The following MAGI2 variants were observed in gnomAD, a reference collection of about 807,000 sequenced individuals.
The protein encoded by MAGI2 is membrane associated guanylate kinase, WW and PDZ domain containing 2.
Under a neutral mutation model 133.3 loss-of-function variants are expected in MAGI2, and 35 were observed. That is an observed-to-expected ratio of 0.26 (90% confidence interval 0.20 to 0.35). The LOEUF (loss-of-function observed/expected upper bound fraction) is 0.35. Ranked by LOEUF, MAGI2 falls within the 10% of genes least tolerant of loss-of-function variation. MAGI2 has a pLI of 1.00. For synonymous variants in MAGI2, 729 were observed against 710.6 expected (o/e 1.03, Z -0.41); for missense variants, 1,636 against 1,863.4 (o/e 0.88, Z 2.25).
At chr7:78,748,670 T>G (rs1823160227) in intron 2 of MAGI2, among the ~76,000 whole-genome samples, 1 of 149,076 alleles carries the variant, frequency 6.7e-6, no homozygotes, top group African/African-American at 2.5e-5. Context: ...CACAAATGCT[T>G]TGAAAGAAGG....
intron 1 of MAGI2, among the ~76,000 whole-genome samples, chr7:79,051,861 G>C (rs941928483): frequency 1.3e-5 from 2 of 151,880 alleles, no homozygotes; most frequent in Non-Finnish European, 2.9e-5. Flanking sequence ...TGTTAATTTT[G>C]ACATTGTAGT....
intron 1 of MAGI2, among the ~76,000 whole-genome samples, chr7:79,388,789 T>C (rs1294929807): frequency 1.3e-5 from 2 of 150,772 alleles, no homozygotes; most frequent in South Asian, 2.1e-4. Context: ...GTTTTCAATA[T>C]ATGTCTTGAA....
At chr7:79,043,326 C>T (rs1224527739) in intron 1 of MAGI2, among the ~76,000 whole-genome samples, 6 of 151,782 alleles carry the variant, frequency 4.0e-5, no homozygotes, top group South Asian at 2.1e-4. Context: ...GGGTGGATCA[C>T]GAGGTCAGGG....
At chr7:79,096,468 G>T (rs1005123898) in intron 1 of MAGI2, among the ~76,000 whole-genome samples, 6 of 152,052 alleles carry the variant, frequency 3.9e-5, no homozygotes, top group African/African-American at 1.4e-4. Context: ...CACACATCAT[G>T]GCCTAATCCT....
intron 14 of MAGI2, among the ~76,000 whole-genome samples, chr7:78,173,959 G>A (rs1009189559): frequency 2.6e-5 from 4 of 152,112 alleles, no homozygotes; most frequent in Non-Finnish European, 5.9e-5. Flanking sequence ...GAAATTAATC[G>A]GCGCTCAACA....
intron 1 of MAGI2, among the ~76,000 whole-genome samples, chr7:79,404,095 A>G (rs1845648154): frequency 6.6e-6 from 1 of 152,132 alleles, no homozygotes; most frequent in East Asian, 1.9e-4. Flanking sequence ...GAACTGTCTG[A>G]CAGTCTAGCC....
At chr7:79,101,982 G>GT (rs1357401394) in intron 1 of MAGI2, among the ~76,000 whole-genome samples, 1 of 151,624 alleles carries the variant, frequency 6.6e-6, no homozygotes, top group Admixed American at 6.6e-5. Context: ...TATGGCATGT[G>GT]TTTTTGCTTT....
chr7:79,037,646 C>G (rs1811249547), intron 1 of MAGI2, among the ~76,000 whole-genome samples: 1 of 152,150 alleles, frequency 6.6e-6, no homozygotes, highest in African/African-American at 2.4e-5. Flanking sequence ...AAGCCCTAAT[C>G]ATCAAATATC....
chr7:79,011,662 G>C (rs1173405662), intron 1 of MAGI2, among the ~76,000 whole-genome samples: 1 of 152,110 alleles, frequency 6.6e-6, no homozygotes, highest in African/African-American at 2.4e-5. Context: ...TGACCACCAG[G>C]GTTTGGCTCA....
intron 3 of MAGI2, chr7:78,554,611 A>G (rs1380803940): frequency 1.3e-5 from 2 of 152,124 alleles, no homozygotes; most frequent in East Asian, 3.9e-4. Context: ...AAATCCCAGG[A>G]AGAATTTTCT....
chr7:78,444,062 C>CT (rs11379866), intron 6 of MAGI2, among the ~76,000 whole-genome samples: 37,403 of 151,846 alleles, frequency 0.25, 4,922 homozygotes, highest in East Asian at 0.46. Context: ...AAATGGCCCA[C>CT]TTAGTATCGC....
At chr7:79,129,845 C>T (rs1473614519) in intron 1 of MAGI2, among the ~76,000 whole-genome samples, 1 of 152,182 alleles carries the variant, frequency 6.6e-6, no homozygotes, top group Non-Finnish European at 1.5e-5. Flanking sequence ...AAATGAAAAT[C>T]TTGCTGGGTG....
At chr7:78,300,606 G>T (rs1383219739) in intron 9 of MAGI2, among the ~76,000 whole-genome samples, 4 of 152,084 alleles carry the variant, frequency 2.6e-5, no homozygotes, top group Non-Finnish European at 5.9e-5. Context: ...ACTCAAAATG[G>T]GGAAGAAAGT....
At chr7:78,026,197 G>A (rs1009070323) in intron 21 of MAGI2, 2 of 152,164 alleles carry the variant, frequency 1.3e-5, no homozygotes, top group Non-Finnish European at 2.9e-5. Flanking sequence ...AAAGATGTAT[G>A]GTTTCTCAAA....
At chr7:78,708,779 G>C (rs1035012131) in intron 2 of MAGI2, among the ~76,000 whole-genome samples, 7 of 152,056 alleles carry the variant, frequency 4.6e-5, no homozygotes, top group African/African-American at 1.7e-4. Context: ...TCCATTTCAT[G>C]AATGAGTAAC....
intron 1 of MAGI2, among the ~76,000 whole-genome samples, chr7:79,392,667 G>C (rs1010828144): frequency 6.6e-6 from 1 of 152,272 alleles, no homozygotes; most frequent in Admixed American, 6.5e-5. Flanking sequence ...CTTTTGAGAA[G>C]TGTCTGTTCA....
chr7:78,668,354 T>C (rs1316920035), intron 2 of MAGI2, among the ~76,000 whole-genome samples: 1 of 151,338 alleles, frequency 6.6e-6, no homozygotes. Flanking sequence ...GCCTGTTCAC[T>C]CTGATGGTAG....
chr7:78,238,831 A>G (rs145988900), intron 10 of MAGI2, among the ~76,000 whole-genome samples: 707 of 152,310 alleles, frequency 4.6e-3, no homozygotes, highest in African/African-American at 0.017. Context: ...AACTCGTTTC[A>G]TTCAAAAGTG....
chr7:78,941,625 T>G (rs1183681956), intron 2 of MAGI2, among the ~76,000 whole-genome samples: 1 of 151,950 alleles, frequency 6.6e-6, no homozygotes, highest in Non-Finnish European at 1.5e-5. Flanking sequence ...CATGAGCCAC[T>G]CTGCCCGGCT....
Sources: gnomAD v4.1 joint callset for allele counts (sites outside exome capture counted in the v4.1 genomes callset) on GRCh38, gnomAD v4.1.1 for gene constraint, MANE v1.5 for transcripts, NCBI Gene and HGNC (gene_info 2026-07-23, HGNC 2026-07-21) for gene names.